UBAP2: variants seen among roughly 807,000 people sequenced by gnomAD.
UBAP2 encodes ubiquitin associated protein 2.
A neutral mutation model predicts 139.6 loss-of-function variants in UBAP2; 75 were observed. The observed-to-expected ratio is 0.54, with a 90% confidence interval of 0.45 to 0.65. UBAP2 has a LOEUF of 0.65. UBAP2 is among the 30% of genes least tolerant of loss of function. The pLI, the probability that UBAP2 is intolerant of heterozygous loss-of-function variation, is 0.00. For missense variants in UBAP2, 1,368 were observed against 1,369.6 expected, an observed-to-expected ratio of 1.00 and a Z score of 0.02; for synonymous variants, 526 against 526.2, an observed-to-expected ratio of 1.00 and a Z score of 0.01.
intron 9 of UBAP2, among the ~76,000 whole-genome samples, chr9:33,962,664 A>T (rs1184094070): frequency 6.8e-6 from 1 of 146,372 alleles, no homozygotes; most frequent in Admixed American, 7.1e-5. Flanking sequence ...AAATAAATAA[A>T]TAAATAAATA....
chr9:34,041,770 T>C (rs1200828150), intron 1 of UBAP2, among the ~76,000 whole-genome samples: 1 of 151,564 alleles, frequency 6.6e-6, no homozygotes, highest in East Asian at 1.9e-4. Context: ...ATGCCTGTAA[T>C]ACCAGAACTT....
At chr9:34,009,668 C>T (rs1175291914) in intron 2 of UBAP2, among the ~76,000 whole-genome samples, 1 of 152,118 alleles carries the variant, frequency 6.6e-6, no homozygotes, top group Non-Finnish European at 1.5e-5. Context: ...CTACGTTACT[C>T]AGGCTGGTCT....
chr9:33,960,934 G>C (rs1827003455), intron 9 of UBAP2, 56 bp from the exon 10 acceptor site: 1 of 1,544,642 alleles, frequency 6.5e-7, no homozygotes, highest in African/African-American at 1.4e-5. Context: ...TACAGTCTCA[G>C]TCCAAATGAT....
At chr9:34,007,578 T>C (rs1823334029) in intron 2 of UBAP2, among the ~76,000 whole-genome samples, 1 of 152,084 alleles carries the variant, frequency 6.6e-6, no homozygotes, top group South Asian at 2.1e-4. Context: ...GATGTTGAAT[T>C]TTTTCACATA....
chr9:33,972,844 A>G (rs1564038122), intron 7 of UBAP2, among the ~76,000 whole-genome samples: 1 of 152,174 alleles, frequency 6.6e-6, no homozygotes, highest in East Asian at 1.9e-4. Context: ...GTCTATAGGT[A>G]TTTTGTCACA....
intron 11 of UBAP2, among the ~76,000 whole-genome samples, chr9:33,955,729 A>G (rs959128036): frequency 6.6e-6 from 1 of 151,332 alleles, no homozygotes; most frequent in Admixed American, 6.6e-5. Context: ...GGGAGGCTTG[A>G]GGCAGGAGAA....
chr9:34,019,379 G>A (rs1222894613), intron 1 of UBAP2, among the ~76,000 whole-genome samples: 2 of 152,106 alleles, frequency 1.3e-5, no homozygotes, highest in Non-Finnish European at 2.9e-5. Context: ...CTCCAGCCTG[G>A]GCGACAGAGC....
At chr9:34,007,840 ACCTTGTTAGCCAAGATG>A (rs1823374595) in intron 2 of UBAP2, among the ~76,000 whole-genome samples, 1 of 151,422 alleles carries the variant, frequency 6.6e-6, no homozygotes, top group African/African-American at 2.4e-5. Context: ...TCGGGGTTTC[ACCTTGTTAGCCAAGATG>A]GTCTCTATCT....
intron 16 of UBAP2, chr9:33,938,925 T>G (rs1334916205): frequency 2.2e-6 from 1 of 455,574 alleles, no homozygotes; most frequent in East Asian, 7.0e-5. Context: ...AAGGTAATTT[T>G]AATCTGTGGA....
intron 8 of UBAP2, 80 bp downstream of exon 8, chr9:33,971,571 C>G: frequency 3.5e-6 from 3 of 854,518 alleles, no homozygotes; most frequent in Non-Finnish European, 4.0e-6. Flanking sequence ...CACATTTAGA[C>G]TTCATCTTTG....
intron 6 of UBAP2, among the ~76,000 whole-genome samples, chr9:33,977,497 A>G (rs569849102): frequency 6.6e-6 from 1 of 152,320 alleles, no homozygotes; most frequent in East Asian, 1.9e-4. Context: ...TGGAATGAAC[A>G]GATTAATCTA....
intron 2 of UBAP2, among the ~76,000 whole-genome samples, chr9:34,015,859 A>G (rs1463945691): frequency 6.6e-6 from 1 of 151,846 alleles, no homozygotes; most frequent in Non-Finnish European, 1.5e-5. Context: ...TGTAGAGACA[A>G]GGTCCTCACT....
At chr9:34,016,381 G>A (rs1358053779) in intron 2 of UBAP2, among the ~76,000 whole-genome samples, 1 of 123,434 alleles carries the variant, frequency 8.1e-6, no homozygotes, top group Non-Finnish European at 2.0e-5. Context: ...GGTGGTGGTG[G>A]TGGTGGTGGT....
At chr9:33,990,349 G>GATAAGTTGAATTATTTCC (rs1368944629) in intron 4 of UBAP2, among the ~76,000 whole-genome samples, 1 of 152,094 alleles carries the variant, frequency 6.6e-6, no homozygotes. Flanking sequence ...AAATTTGGGT[G>GATAAGTTGAATTATTTCC]ATAAGTTGAA....
chr9:34,047,449 T>C (rs893391342), intron 1 of UBAP2, among the ~76,000 whole-genome samples: 1 of 151,940 alleles, frequency 6.6e-6, no homozygotes, highest in African/African-American at 2.4e-5. Flanking sequence ...AACACACCAA[T>C]GTAGGATACG....
Position 33,944,472 on chromosome 9 carries a change from G to A in UBAP2, c.1438C>T (p.Leu480Phe), listed in dbSNP as rs372412105. 25 of 1,613,994 alleles carry A rather than the reference G, an allele frequency of 1.5e-5. No individual in the cohort carries two copies. Among genetic ancestry groups the A allele is most frequent in the Admixed American group, 1.0e-4 (6 of 59,968 alleles). The change falls in exon 14 of 29, where the codon CTT (leucine) becomes TTT (phenylalanine). Residue 480 changes from leucine to phenylalanine, a missense_variant. By Grantham distance (22) the Leu-to-Phe change is conservative. Transcript: ENST00000379238. ...PGDSPSTVNK[L>F]LQLPSTTIEN... ...ATGGTCGTGCTGGGAAGCTGCAAAA[G>A]CTTGTTCACAGTGGAGGGACTGTCT...
At chr9:33,976,965 T>C (rs1291395136) in intron 6 of UBAP2, among the ~76,000 whole-genome samples, 4 of 149,510 alleles carry the variant, frequency 2.7e-5, no homozygotes, top group African/African-American at 4.9e-5. Context: ...TGAGCCGAGA[T>C]GGCGCCACTG....
chr9:33,959,870 T>C (rs183048809), intron 10 of UBAP2, among the ~76,000 whole-genome samples: 1 of 152,270 alleles, frequency 6.6e-6, no homozygotes, highest in African/African-American at 2.4e-5. Flanking sequence ...CAGTGTCAGC[T>C]GGCTATCAGG....
chr9:33,994,423 A>G (rs1325997551), intron 4 of UBAP2: 2 of 151,884 alleles, frequency 1.3e-5, no homozygotes, highest in Non-Finnish European at 2.9e-5. Flanking sequence ...GATCCTCTCC[A>G]GTGAACAATT....
Sources: gnomAD v4.1 joint callset for allele counts (sites outside exome capture counted in the v4.1 genomes callset) on GRCh38, gnomAD v4.1.1 for gene constraint, MANE v1.5 for transcripts, NCBI Gene and HGNC (gene_info 2026-07-23, HGNC 2026-07-21) for gene names.